CRIM1: variants seen among roughly 807,000 people sequenced by gnomAD.
CRIM1 encodes cysteine rich transmembrane BMP regulator 1.
CRIM1 carries 32 observed loss-of-function variants against 116.4 expected under a neutral mutation model. That is an observed-to-expected ratio of 0.27 (90% CI 0.21 to 0.37). CRIM1 has a LOEUF of 0.37. CRIM1 is among the 10% of genes least tolerant of loss of function. The pLI is 1.00. For synonymous variants in CRIM1, 590 were observed against 509.2 expected (o/e 1.16, Z -2.13); for missense variants, 1,331 against 1,354.8 (o/e 0.98, Z 0.28).
At chr2:36,367,881 C>T (rs1475746560) in intron 1 of CRIM1, among the ~76,000 whole-genome samples, 1 of 152,182 alleles carries the variant, frequency 6.6e-6, no homozygotes, top group Non-Finnish European at 1.5e-5. Context: ...TATGTGTTTG[C>T]TGCCTTCCCT....
At chr2:36,379,668 G>T (rs1264115664) in intron 1 of CRIM1, among the ~76,000 whole-genome samples, 1 of 150,940 alleles carries the variant, frequency 6.6e-6, no homozygotes, top group Non-Finnish European at 1.5e-5. Context: ...TAGTAAATGA[G>T]TGTTCTGTGT....
At chr2:36,434,238 A>T (rs2124911705) in intron 2 of CRIM1, among the ~76,000 whole-genome samples, 2 of 152,368 alleles carry the variant, frequency 1.3e-5, no homozygotes, top group East Asian at 3.9e-4. Context: ...TTATCACATG[A>T]TATCTCTAAG....
chr2:36,404,144 A>G (rs1452976638), intron 2 of CRIM1, among the ~76,000 whole-genome samples: 1 of 152,206 alleles, frequency 6.6e-6, no homozygotes, highest in Non-Finnish European at 1.5e-5. Flanking sequence ...CTCTGTTAGC[A>G]TGGTAGAAGA....
At chr2:36,420,172 T>C (rs1344879527) in intron 2 of CRIM1, among the ~76,000 whole-genome samples, 1 of 152,196 alleles carries the variant, frequency 6.6e-6, no homozygotes, top group African/African-American at 2.4e-5. Context: ...TCTCTTGCCC[T>C]CCAGCAACCT....
At chr2:36,369,434 C>T (rs1262053726) in intron 1 of CRIM1, among the ~76,000 whole-genome samples, 3 of 152,212 alleles carry the variant, frequency 2.0e-5, no homozygotes, top group Non-Finnish European at 2.9e-5. Flanking sequence ...GTGCACACAG[C>T]TTTCCAGCTA....
chr2:36,519,774 T>C (rs1333434960), intron 12 of CRIM1, among the ~76,000 whole-genome samples: 3 of 152,166 alleles, frequency 2.0e-5, no homozygotes, highest in Non-Finnish European at 2.9e-5. Context: ...TGAGGAAAGA[T>C]TGCACATCAC....
At chr2:36,438,032 T>C (rs375066752) in intron 2 of CRIM1, among the ~76,000 whole-genome samples, 187 of 151,112 alleles carry the variant, frequency 1.2e-3, no homozygotes, top group African/African-American at 4.4e-3. Flanking sequence ...CTCAGGAGGC[T>C]GGGACAGAAA....
intron 8 of CRIM1, among the ~76,000 whole-genome samples, chr2:36,502,902 A>G (rs1462395329): frequency 6.6e-6 from 1 of 152,152 alleles, no homozygotes; most frequent in Non-Finnish European, 1.5e-5. Context: ...AGGTCTTGCT[A>G]TTCTAATAAT....
intron 7 of CRIM1, among the ~76,000 whole-genome samples, chr2:36,482,577 T>C (rs945051263): frequency 1.3e-5 from 2 of 152,132 alleles, no homozygotes; most frequent in East Asian, 3.8e-4. Flanking sequence ...TTGTATGAAA[T>C]AAGAAAAAGT....
At chr2:36,379,227 A>G (rs1157117121) in intron 1 of CRIM1, 2 of 152,180 alleles carry the variant, frequency 1.3e-5, no homozygotes, top group African/African-American at 4.8e-5. Context: ...ATCAGTGCAA[A>G]TGAGTACACT....
intron 12 of CRIM1, among the ~76,000 whole-genome samples, chr2:36,518,888 T>C (rs1278757172): frequency 6.6e-6 from 1 of 152,226 alleles, no homozygotes; most frequent in Non-Finnish European, 1.5e-5. Context: ...TACAAATATT[T>C]GTAGAATGCC....
At chr2:36,510,239 T>G (rs1366769621) in intron 9 of CRIM1, 100 bp downstream of exon 9, 1 of 1,147,542 alleles carries the variant, frequency 8.7e-7, no homozygotes, top group Non-Finnish European at 1.2e-6. Flanking sequence ...TAATCTATGG[T>G]ATATTGAGCC....
At chr2:36,484,053 A>G (rs1392003782) in intron 7 of CRIM1, among the ~76,000 whole-genome samples, 1 of 152,114 alleles carries the variant, frequency 6.6e-6, no homozygotes, top group Admixed American at 6.5e-5. Context: ...CACCCTTCTG[A>G]TGGGCACTCA....
chr2:36,382,024 A>G (rs1670816777), intron 1 of CRIM1, among the ~76,000 whole-genome samples: 1 of 152,116 alleles, frequency 6.6e-6, no homozygotes, highest in African/African-American at 2.4e-5. Flanking sequence ...AGAGGTTTCC[A>G]GAAAAACCTG....
chr2:36,496,712 G>A (rs1280861020), intron 7 of CRIM1, among the ~76,000 whole-genome samples: 1 of 152,154 alleles, frequency 6.6e-6, no homozygotes, highest in East Asian at 1.9e-4. Context: ...GGAGAAATGT[G>A]TGTTAGATGT....
intron 8 of CRIM1, among the ~76,000 whole-genome samples, chr2:36,500,887 C>A (rs895341058): frequency 9.9e-5 from 15 of 152,198 alleles, no homozygotes; most frequent in Non-Finnish European, 2.2e-4. Flanking sequence ...CAAAATACAT[C>A]AGAGCATTCC....
chr2:36,360,901 C>G (rs1669183315), intron 1 of CRIM1, among the ~76,000 whole-genome samples: 1 of 152,082 alleles, frequency 6.6e-6, no homozygotes, highest in Non-Finnish European at 1.5e-5. Context: ...TTTCATTTTT[C>G]CTCTCAGAAG....
intron 4 of CRIM1, among the ~76,000 whole-genome samples, chr2:36,454,863 G>T (rs142160955): frequency 2.4e-3 from 368 of 152,208 alleles, no homozygotes; most frequent in Non-Finnish European, 3.9e-3. Flanking sequence ...CCTGATTCAG[G>T]TTTGCCATCT....
intron 2 of CRIM1, among the ~76,000 whole-genome samples, chr2:36,417,525 C>A (rs1673711426): frequency 6.6e-6 from 1 of 152,156 alleles, no homozygotes; most frequent in South Asian, 2.1e-4. Flanking sequence ...TAGACTCAAT[C>A]TATTTCATTT....
Sources: allele counts gnomAD v4.1 joint callset (sites outside exome capture counted in the v4.1 genomes callset), GRCh38; gene constraint gnomAD v4.1.1; transcripts MANE v1.5; gene names NCBI Gene and HGNC (gene_info 2026-07-23, HGNC 2026-07-21).